The following CCBE1 variants were observed in gnomAD, a reference collection of about 807,000 sequenced individuals.
CCBE1 encodes the protein collagen and calcium-binding EGF domain-containing protein 1.
CCBE1 carries 37 observed loss-of-function variants against 50.0 expected under a neutral mutation model. That is an observed-to-expected ratio of 0.74 (90% confidence interval 0.57 to 0.97). The LOEUF is 0.97. CCBE1 is among the 50% of genes least tolerant of loss of function. CCBE1 has a pLI of 0.00. For synonymous variants in CCBE1, 234 were observed against 203.7 expected (o/e 1.15, Z -1.27); for missense variants, 538 against 523.8 (o/e 1.03, Z -0.26).
chr18:59,509,317 T>A (rs1250686976), intron 2 of CCBE1, among the ~76,000 whole-genome samples: 1 of 152,102 alleles, frequency 6.6e-6, no homozygotes, highest in East Asian at 1.9e-4. Flanking sequence ...AAATCATATA[T>A]ATACACATAA....
intron 2 of CCBE1, among the ~76,000 whole-genome samples, chr18:59,612,235 T>C (rs562948867): frequency 2.7e-5 from 4 of 146,034 alleles, no homozygotes; most frequent in South Asian, 4.2e-4. Flanking sequence ...ATGGCACATG[T>C]ATACATATGT....
At chr18:59,446,652 C>T (rs1044053493) in intron 7 of CCBE1, among the ~76,000 whole-genome samples, 1 of 152,182 alleles carries the variant, frequency 6.6e-6, no homozygotes, top group Admixed American at 6.5e-5. Flanking sequence ...ACTTTCCAAC[C>T]GAAAACCCAC....
chr18:59,481,679 T>G (rs968576172), intron 2 of CCBE1, among the ~76,000 whole-genome samples: 3 of 152,186 alleles, frequency 2.0e-5, no homozygotes, highest in African/African-American at 4.8e-5. Context: ...CTTTGAGTGC[T>G]GAGAAAACAA....
chr18:59,654,231 T>C (rs2054159138), intron 2 of CCBE1, among the ~76,000 whole-genome samples: 1 of 152,016 alleles, frequency 6.6e-6, no homozygotes, highest in Non-Finnish European at 1.5e-5. Context: ...TAATGTATGA[T>C]GGAAATAAAA....
At chr18:59,672,445 T>C (rs1351969678) in intron 2 of CCBE1, among the ~76,000 whole-genome samples, 1 of 152,236 alleles carries the variant, frequency 6.6e-6, no homozygotes, top group Non-Finnish European at 1.5e-5. Context: ...AGACTGCTTC[T>C]GTCTCTGCAC....
intron 2 of CCBE1, among the ~76,000 whole-genome samples, chr18:59,589,505 C>T (rs2144530446): frequency 6.6e-6 from 1 of 152,214 alleles, no homozygotes; most frequent in South Asian, 2.1e-4. Context: ...AAAAATGTTA[C>T]ACACCATGGG....
intron 7 of CCBE1, among the ~76,000 whole-genome samples, chr18:59,441,862 C>T (rs777970420): frequency 5.3e-5 from 8 of 152,130 alleles, no homozygotes; most frequent in Non-Finnish European, 7.4e-5. Context: ...GAGATAATAT[C>T]GAACCATCTA....
At chr18:59,504,039 C>T (rs955377936) in intron 2 of CCBE1, among the ~76,000 whole-genome samples, 22 of 152,136 alleles carry the variant, frequency 1.4e-4, no homozygotes, top group Admixed American at 1.2e-3. Context: ...AGGATCTGGC[C>T]GAAAGTGAGC....
At chr18:59,524,789 C>T (rs1371714168) in intron 2 of CCBE1, among the ~76,000 whole-genome samples, 1 of 152,168 alleles carries the variant, frequency 6.6e-6, no homozygotes, top group Non-Finnish European at 1.5e-5. Context: ...CTGTTCTCCT[C>T]CCTGTGTCCA....
At chr18:59,490,528 T>C (rs1295974753) in intron 2 of CCBE1, among the ~76,000 whole-genome samples, 2 of 152,214 alleles carry the variant, frequency 1.3e-5, no homozygotes, top group Admixed American at 6.5e-5. Context: ...TGGCAATGGC[T>C]TCAGAAACTT....
chr18:59,553,738 C>A (rs990049492), intron 2 of CCBE1, among the ~76,000 whole-genome samples: 1 of 152,236 alleles, frequency 6.6e-6, no homozygotes, highest in African/African-American at 2.4e-5. Flanking sequence ...AATGTCACTG[C>A]TGTTTTCAGC....
intron 2 of CCBE1, among the ~76,000 whole-genome samples, chr18:59,504,197 T>A (rs1308464101): frequency 6.6e-6 from 1 of 152,130 alleles, no homozygotes; most frequent in Admixed American, 6.5e-5. Flanking sequence ...CTTCACAATC[T>A]CCATGCTATA....
rs115361327 is a variant in CCBE1 at position 59,559,573 on chromosome 18, A to C, written c.213-79335T>G. Among the ~76,000 whole-genome samples, 570 of 152,352 alleles carry C rather than the reference A, an allele frequency of 3.7e-3. 6 individuals carry two copies. Among genetic ancestry groups the C allele is most frequent in the African/African-American group, 0.013 (534 of 41,588 alleles). ...CATTCCGGTTCAAAGAATACCTGTT[A>C]CAGCTGGCGGAAGCATAAAGCCTCT... On this transcript the variant is annotated intron_variant, in intron 2 of 10. Transcript: ENST00000439986.
At chr18:59,663,399 G>C (rs191152323) in intron 2 of CCBE1, among the ~76,000 whole-genome samples, 19 of 152,294 alleles carry the variant, frequency 1.2e-4, no homozygotes, top group African/African-American at 4.3e-4. Flanking sequence ...GCCTGAGACA[G>C]TGCCAGTGTT....
At chr18:59,547,712 G>A (rs1466839606) in intron 2 of CCBE1, among the ~76,000 whole-genome samples, 1 of 152,202 alleles carries the variant, frequency 6.6e-6, no homozygotes, top group Non-Finnish European at 1.5e-5. Flanking sequence ...TACACTTCAT[G>A]AAATGGTCGA....
At chr18:59,688,126 A>T (rs1054046283) in intron 2 of CCBE1, 1 of 152,194 alleles carries the variant, frequency 6.6e-6, no homozygotes, top group Non-Finnish European at 1.5e-5. Flanking sequence ...CTCCAAATAT[A>T]TGCTATCATT....
chr18:59,524,005 C>G (rs1396006223), intron 2 of CCBE1, among the ~76,000 whole-genome samples: 1 of 152,188 alleles, frequency 6.6e-6, no homozygotes, highest in Non-Finnish European at 1.5e-5. Context: ...CCGAAACAAG[C>G]CTTTATGGCT....
intron 7 of CCBE1, among the ~76,000 whole-genome samples, chr18:59,441,371 G>A (rs1315915195): frequency 6.6e-6 from 1 of 151,942 alleles, no homozygotes; most frequent in Non-Finnish European, 1.5e-5. Flanking sequence ...TTAGTCAGGT[G>A]TGGTGGTGGG....
chr18:59,495,606 GC>G (rs1913317588), intron 2 of CCBE1, among the ~76,000 whole-genome samples: 1 of 147,692 alleles, frequency 6.8e-6, no homozygotes, highest in Non-Finnish European at 1.5e-5. Context: ...CTGGGTGCTT[GC>G]CTTTTTTTTT....
Sources: allele counts gnomAD v4.1 joint callset (sites outside exome capture counted in the v4.1 genomes callset), GRCh38; gene constraint gnomAD v4.1.1; transcripts MANE v1.5; gene names NCBI Gene and HGNC (gene_info 2026-07-23, HGNC 2026-07-21).